Variants in ACAN observed in about 807,000 individuals in gnomAD.
ACAN encodes the protein aggrecan core protein.
Under a neutral mutation model 169.1 loss-of-function variants are expected in ACAN, and 47 were observed. The ratio of observed to expected loss-of-function variants is 0.28; its 90% CI spans 0.22 to 0.35. The LOEUF is 0.35. Among genes scored for constraint, ACAN ranks in the 10% least tolerant of loss-of-function variants. The probability of loss-of-function intolerance (pLI) is 1.00; values close to 1 mark genes in which losing one functional copy is unlikely to be tolerated. For missense variants in ACAN, 2,716 were observed against 2,759.9 expected, an observed-to-expected ratio of 0.98 and a Z score of 0.36; for synonymous variants, 1,115 against 1,112.2, an observed-to-expected ratio of 1.00 and a Z score of -0.05.
chr15:88,871,279 G>A lies in ACAN; in HGVS notation c.7061-103G>A. 6.6e-7 allele frequency: 1 copy of A among 1,505,570 alleles called. No homozygotes were observed. Among genetic ancestry groups the A allele is most frequent in the Non-Finnish European group, 9.0e-7 (1 of 1,107,444 alleles). 93.3% of individuals were successfully genotyped at this position (1,505,570 alleles called of 1,614,324 possible). ...CTCCCTTCCCTTGAGGGCACAGCATGGAAGGTGGGGTGAACGCAGGAACCT... is the reference window on the plus strand; with the variant it reads ...CTCCCTTCCCTTGAGGGCACAGCATAGAAGGTGGGGTGAACGCAGGAACCT... On this transcript the variant is annotated intron_variant, in intron 14 of 18. Coordinates refer to ENST00000560601, the MANE Select transcript of ACAN (RefSeq NM_001369268.1). This position sits in a 1 kb window ranked among gnomAD's most constrained non-coding sequence, Gnocchi z 7.8.
At chr15:88,825,652 A>G (rs554360192) in intron 1 of ACAN, among the ~76,000 whole-genome samples, 1 of 152,346 alleles carries the variant, frequency 6.6e-6, no homozygotes, top group East Asian at 1.9e-4. Flanking sequence ...AACAGGTCCA[A>G]GTCAAAGAGG....
At position 88,855,233 on chromosome 15, in the gene ACAN, G is replaced by C; in HGVS notation, c.2648G>C (p.Ser883Thr). Residue 883 changes from serine (S) to threonine (T), a missense_variant, in exon 12 of 19, where the codon AGT becomes ACT. Ser to Thr is a moderately conservative substitution (Grantham distance 58). Transcript: ENST00000560601. The stretch of plus-strand genomic sequence containing the variant: ...GATGTTTCAGGACACCTTGACTTCA[G>C]TGGGCAGCTGTCAGGGGACAGGGCA... ...SGDVSGHLDFSGQLSGDRASG... is the reference protein window; with the variant it reads ...SGDVSGHLDFTGQLSGDRASG... 6.9e-6 allele frequency: 11 copies of C among 1,604,586 alleles called. No homozygotes were observed. The highest frequency in any genetic ancestry group is 9.4e-6 in the Non-Finnish European group (11 of 1,172,616).
rs77248357 is a variant in ACAN, at chr15:88,870,775, C to T, written c.7061-607C>T. On this transcript the variant is annotated intron_variant, in intron 14 of 18. Coordinates refer to ENST00000560601, the MANE Select transcript of ACAN (RefSeq NM_001369268.1). The surrounding 1 kb of genome is among the most constrained non-coding windows in gnomAD (Gnocchi z 6.3). ...CAGACCCCCAATGGGCTATCTGACC[C>T]CTGCAAGAGGCAGGCACAGTGTGCT... Among the ~76,000 whole-genome samples, 2,941 of 152,222 alleles carry T rather than the reference C, an allele frequency of 0.019. 95 individuals carry two copies. Among genetic ancestry groups the T allele is most frequent in the African/African-American group, 0.066 (2,744 of 41,514 alleles).
In ACAN at chr15:88,855,444, T is replaced by G. The variant is rs371044633; in HGVS notation, c.2859T>G (p.Asp953Glu). The stretch of plus-strand genomic sequence containing the variant: ...AGGGCTCTGCCTCTGGAGTTGGGGA[T>G]CTCAGTGGACTTCCTTCTGGAGAAG... ...ILEGSASGVG[D>E]LSGLPSGEVL... Residue 953 changes from aspartate to glutamate, a missense_variant, in exon 12 of 19, where the codon GAT becomes GAG. This residue lies in a region of ACAN where 1,283 missense variants were observed against 1,281.5 expected (regional missense o/e 1.00). Transcript: ENST00000560601. 6.2e-7 allele frequency: 1 copy of G among 1,613,684 alleles called. No homozygotes were observed. Among genetic ancestry groups the G allele is most frequent in the African/African-American group, 1.3e-5 (1 of 74,888 alleles).
At chr15:88,827,493 C>G (rs1251771599) in intron 1 of ACAN, among the ~76,000 whole-genome samples, 2 of 152,166 alleles carry the variant, frequency 1.3e-5, no homozygotes, top group Non-Finnish European at 2.9e-5. Context: ...TGTGCAGAAA[C>G]TGACCTCAGT....
rs751475234 is a variant in ACAN, at chr15:88,859,267, C to G, written c.6682C>G (p.Arg2228Gly). Residue 2228 changes from arginine to glycine, a missense_variant, in exon 12 of 19, where the codon CGC becomes GGC. By Grantham distance (125) the Arg-to-Gly change is moderately radical. Coordinates refer to ENST00000560601, the MANE Select transcript of ACAN (RefSeq NM_001369268.1). The part of the protein sequence containing the change: ...PESEWTQQTQ[R>G]PAETHLEIES... ...GTCTGAGTGGACCCAGCAGACCCAG[C>G]GCCCTGCAGAGACGCATCTAGAAAT... 6.2e-7 allele frequency: 1 copy of G among 1,613,750 alleles called. No individual in the cohort carries two copies. The highest frequency in any genetic ancestry group is 8.5e-7 in the Non-Finnish European group (1 of 1,179,856).
At chr15:88,847,772 G>A in intron 8 of ACAN, 139 bp from the exon 9 acceptor site, 3 of 1,147,038 alleles carry the variant, frequency 2.6e-6, no homozygotes, top group Non-Finnish European at 3.5e-6. Context: ...TGCATAAGGG[G>A]CTTTTTCCTG....
In ACAN at chr15:88,807,146, T is replaced by C. The variant is rs1419072121; in HGVS notation, c.-8+3337T>C. On this transcript the variant is annotated intron_variant, in intron 1 of 18. Transcript: ENST00000560601. The surrounding 1 kb of genome is among the most constrained non-coding windows in gnomAD (Gnocchi z 4.0). ...GCATCCTTGCTGCCACTGCACCAAG[T>C]GCTGGGGAGTCAAGGCAGCTGAGGT... Among the ~76,000 whole-genome samples, 4 of 152,066 alleles carry C rather than the reference T, an allele frequency of 2.6e-5. No individual in the cohort carries two copies. The highest frequency in any genetic ancestry group is 4.1e-4 in the South Asian group (2 of 4,824).
intron 1 of ACAN, among the ~76,000 whole-genome samples, chr15:88,835,263 G>A (rs1295809148): frequency 6.6e-6 from 1 of 152,120 alleles, no homozygotes; most frequent in Non-Finnish European, 1.5e-5. Flanking sequence ...TGAAGTTGGT[G>A]GCAGGCCCAA....
chr15:88,830,978 T>A (rs1034524253), intron 1 of ACAN, among the ~76,000 whole-genome samples: 2 of 152,200 alleles, frequency 1.3e-5, no homozygotes, highest in Non-Finnish European at 2.9e-5. Context: ...GACTGAAATG[T>A]TATGTGGCCC....
In ACAN at chr15:88,874,200, C is replaced by T. The variant is rs1196672392; in HGVS notation, c.7630+176C>T. The T allele has an allele frequency of 1.9e-6, 2 of 1,054,748 alleles. No homozygotes were observed. The highest frequency in any genetic ancestry group is 2.8e-6 in the Non-Finnish European group (2 of 708,510). 65.3% of individuals were successfully genotyped at this position (1,054,748 alleles called of 1,614,324 possible). A position where few individuals can be genotyped will look rare whatever the true frequency, so the allele number is the denominator to read the frequency against. On this transcript the variant is annotated intron_variant, in intron 18 of 18. Coordinates refer to ENST00000560601, the MANE Select transcript of ACAN (RefSeq NM_001369268.1). This position sits in a 1 kb window ranked among gnomAD's most constrained non-coding sequence, Gnocchi z 7.3. ...CCACTGCCCTTAGAAGGGCCACGTA[C>T]TTGTCCCAGGAGAGGGCTCACTTGG... is the stretch of plus-strand genomic sequence containing the variant.
rs1897483012 is a variant in ACAN at position 88,875,166 on chromosome 15, C to A, written c.*685C>A. On this transcript the variant is annotated 3_prime_UTR_variant, in exon 19 of 19. Coordinates refer to ENST00000560601, the MANE Select transcript of ACAN (RefSeq NM_001369268.1). The surrounding 1 kb of genome is among the most constrained non-coding windows in gnomAD (Gnocchi z 4.8). ...CCTCTCTCTCACCTGGGTCTGCCAC[C>A]CTAACAGGTGGCAACTCGGCAGGGC... 1 of 153,394 alleles carries A rather than the reference C, an allele frequency of 6.5e-6. No individual in the cohort carries two copies. Among genetic ancestry groups the A allele is most frequent in the African/African-American group, 2.4e-5 (1 of 41,420 alleles). 9.5% of individuals were successfully genotyped at this position (153,394 alleles called of 1,614,324 possible). A position where few individuals can be genotyped will look rare whatever the true frequency, so the allele number is the denominator to read the frequency against.
Position 88,872,792 on chromosome 15 carries a change from A to T in ACAN, c.7303-89A>T. The T allele has an allele frequency of 1.4e-6, 2 of 1,457,946 alleles. No individual in the cohort carries two copies. Among genetic ancestry groups the T allele is most frequent in the Non-Finnish European group, 1.9e-6 (2 of 1,072,224 alleles). The allele number at this position is 1,457,946 out of a possible 1,614,324, so 90.3% of individuals were successfully genotyped here. A position where few individuals can be genotyped will look rare whatever the true frequency, so the allele number is the denominator to read the frequency against. ...TTGGTGCTAAAAGAGAAAGGAGATG[A>T]TGAAGAGGCTCCACGGGGAAGACAG... On this transcript the variant is annotated intron_variant, in intron 16 of 18. Transcript: ENST00000560601. This position sits in a 1 kb window ranked among gnomAD's most constrained non-coding sequence, Gnocchi z 5.4.
At chr15:88,823,492 A>G (rs1896129666) in intron 1 of ACAN, among the ~76,000 whole-genome samples, 1 of 151,972 alleles carries the variant, frequency 6.6e-6, no homozygotes, top group African/African-American at 2.4e-5. Context: ...AGGATTAATC[A>G]TGCCCAGTGC....
At chr15:88,834,704 G>T (rs752691110) in intron 1 of ACAN, among the ~76,000 whole-genome samples, 2 of 152,228 alleles carry the variant, frequency 1.3e-5, no homozygotes, top group Admixed American at 1.3e-4. Flanking sequence ...AGAACAACTC[G>T]GGGAACATCA....
chr15:88,859,584 C>T (rs923826412), intron 12 of ACAN, among the ~76,000 whole-genome samples, 167 bp downstream of exon 12: 12 of 152,168 alleles, frequency 7.9e-5, no homozygotes, highest in East Asian at 3.8e-4. Context: ...TCATCTGTAA[C>T]GTAAGAGTAG....
chr15:88,828,715 G>A (rs1322655851), intron 1 of ACAN, among the ~76,000 whole-genome samples: 2 of 152,162 alleles, frequency 1.3e-5, no homozygotes, highest in Non-Finnish European at 2.9e-5. Context: ...TAAAAAGGTG[G>A]AACTCTTCTC....
At chr15:88,809,741 T>A (rs1437691964) in intron 1 of ACAN, among the ~76,000 whole-genome samples, 1 of 152,074 alleles carries the variant, frequency 6.6e-6, no homozygotes, top group Non-Finnish European at 1.5e-5. Flanking sequence ...ATACAGCAGC[T>A]GCACCGTGAC....
Position 88,841,758 on chromosome 15 carries a change from C to T in ACAN, c.648C>T (p.Pro216=). 1 of 1,613,822 alleles carries T rather than the reference C, an allele frequency of 6.2e-7. No homozygotes were observed. The change falls in exon 5 of 19, where the codon CCC becomes CCT. Residue 216 remains proline, a synonymous_variant. Transcript: ENST00000560601. Reference sequence around the variant, plus strand: ...CTGGCAGATACCCCATCCACACTCCCCGGGAAGGCTGCTATGGAGACAAGG... The same window carrying T: ...CTGGCAGATACCCCATCCACACTCCTCGGGAAGGCTGCTATGGAGACAAGG... The part of the protein sequence containing the change: ...DQTVRYPIHT[P]REGCYGDKDE...
Sources: gnomAD v4.1 joint callset for allele counts (sites outside exome capture counted in the v4.1 genomes callset) on GRCh38, gnomAD v4.1.1 for gene constraint, gnomAD v4.1.1 regional missense constraint, Gnocchi (gnomAD v3.1) non-coding constraint, MANE v1.5 for transcripts, NCBI Gene and HGNC (gene_info 2026-07-23, HGNC 2026-07-21) for gene names.